Variants in SYT1 observed in about 807,000 individuals in gnomAD.
SYT1 encodes synaptotagmin 1.
In SYT1, 8 loss-of-function variants were observed where a neutral mutation model predicts 44.8. The ratio of observed to expected loss-of-function variants is 0.18; its 90% CI spans 0.10 to 0.32. SYT1 has a LOEUF of 0.32. Ranked by LOEUF, SYT1 falls within the 10% of genes least tolerant of loss-of-function variation. SYT1 has a pLI of 1.00. For missense variants in SYT1, 286 were observed against 509.3 expected (o/e 0.56, Z 4.22); for synonymous variants, 154 against 188.8 (o/e 0.82, Z 1.51).
chr12:79,299,706 G>A (rs73351034), intron 8 of SYT1, among the ~76,000 whole-genome samples, 155 bp downstream of exon 8: 1,601 of 151,768 alleles, frequency 0.011, 30 homozygotes, highest in African/African-American at 0.036. Context: ...GCACCACCTC[G>A]TTAAAAAGTG....
At position 79,123,308 on chromosome 12, in the gene SYT1, A is replaced by AGTGTGTGTGTGTGTGTGTGT. The variant is rs763524667; in HGVS notation, c.-18+75946_-18+75947insGTGTGTGTGTGTGTGTGTGT. 1.4e-3 allele frequency among the ~76,000 whole-genome samples: 135 copies of AGTGTGTGTGTGTGTGTGTGT among 96,532 alleles called. 1 individual carries two copies. The highest frequency in any genetic ancestry group is 4.7e-3 in the Middle Eastern group (1 of 214). The allele number at this position is 96,532 out of a possible 152,430, so 63.3% of individuals were successfully genotyped here. ...CTGTTACATGTATCTCTAAAAATGC[A>AGTGTGTGTGTGTGTGTGTGT]ATGTGTGTGTGTGTGTGTGTGTGTG... On this transcript the variant is annotated intron_variant, in intron 3 of 10. Coordinates refer to ENST00000261205, the MANE Select transcript of SYT1 (RefSeq NM_005639.3).
chr12:79,444,593 GA>G (rs1870602934), intron 10 of SYT1, among the ~76,000 whole-genome samples: 2 of 152,142 alleles, frequency 1.3e-5, no homozygotes, highest in African/African-American at 4.8e-5. Flanking sequence ...ATAGTGATAA[GA>G]GAAATATTTT....
chr12:79,210,088 A>C (rs1874350687), intron 3 of SYT1, among the ~76,000 whole-genome samples: 1 of 152,168 alleles, frequency 6.6e-6, no homozygotes, highest in Non-Finnish European at 1.5e-5. Context: ...TTACTATGTA[A>C]TCTGAGAAAT....
At chr12:79,409,241 G>A (rs1160249478) in intron 9 of SYT1, among the ~76,000 whole-genome samples, 2 of 151,996 alleles carry the variant, frequency 1.3e-5, no homozygotes, top group African/African-American at 2.4e-5. Context: ...TGGATCAAGT[G>A]CCATGTATTA....
At chr12:79,426,806 T>C (rs1043536892) in intron 9 of SYT1, among the ~76,000 whole-genome samples, 7 of 152,204 alleles carry the variant, frequency 4.6e-5, no homozygotes, top group African/African-American at 1.7e-4. Flanking sequence ...AAATCTCATC[T>C]TGAATTCCAG....
At chr12:78,937,833 A>T (rs1448633023) in intron 1 of SYT1, among the ~76,000 whole-genome samples, 1 of 152,180 alleles carries the variant, frequency 6.6e-6, no homozygotes, top group Non-Finnish European at 1.5e-5. Flanking sequence ...AGAAAAGCTA[A>T]CTGGATAATT....
rs553833760 is a variant in SYT1 at position 79,115,762 on chromosome 12, C to G, written c.-18+68400C>G. Among the ~76,000 whole-genome samples the G allele has an allele frequency of 2.6e-5, 4 of 152,230 alleles. No individual in the cohort carries two copies. The South Asian group carries it at 8.3e-4, about 32-fold the overall frequency. ...GGGAATCAGGGCAATGCCAGATATC[C>G]TTTGTAAAATTTTAACACAGTCAAC... On this transcript the variant is annotated intron_variant, in intron 3 of 10. Coordinates refer to ENST00000261205, the MANE Select transcript of SYT1 (RefSeq NM_005639.3).
At chr12:79,129,047 G>A (rs926025680) in intron 3 of SYT1, among the ~76,000 whole-genome samples, 2 of 152,166 alleles carry the variant, frequency 1.3e-5, no homozygotes, top group East Asian at 1.9e-4. Context: ...TGTTAGAGGA[G>A]CATGGCCTTG....
intron 8 of SYT1, among the ~76,000 whole-genome samples, chr12:79,349,057 G>T (rs536751143): frequency 7.4e-6 from 1 of 134,992 alleles, no homozygotes; most frequent in South Asian, 2.3e-4. Context: ...AAGAAAGAAA[G>T]GAGGGAGGGA....
intron 2 of SYT1, among the ~76,000 whole-genome samples, chr12:78,995,391 G>A (rs1177358900): frequency 6.6e-6 from 1 of 152,154 alleles, no homozygotes; most frequent in African/African-American, 2.4e-5. Context: ...CTCAATAGGG[G>A]TGAGAAACAA....
rs1017430786 is a variant in SYT1 at position 79,040,564 on chromosome 12, T to G, written c.-83-6733T>G. 2.6e-3 allele frequency among the ~76,000 whole-genome samples: 395 copies of G among 152,206 alleles called. 3 individuals carry two copies. The highest frequency in any genetic ancestry group is 0.01 in the Middle Eastern group (3 of 294). Reference sequence around the variant, plus strand: ...GCAGGTTGCAAAAATTTTCTCCCATTTTGTAGGTTGCCTGTTCACTCTGAT... The same window carrying G: ...GCAGGTTGCAAAAATTTTCTCCCATGTTGTAGGTTGCCTGTTCACTCTGAT... On this transcript the variant is annotated intron_variant, in intron 2 of 10. Coordinates refer to ENST00000261205, the MANE Select transcript of SYT1 (RefSeq NM_005639.3).
At chr12:79,117,704 T>A (rs1267465079) in intron 3 of SYT1, among the ~76,000 whole-genome samples, 11 of 101,746 alleles carry the variant, frequency 1.1e-4, no homozygotes, top group African/African-American at 3.9e-4. Context: ...TATATATATA[T>A]ATATATATAT....
intron 4 of SYT1, among the ~76,000 whole-genome samples, chr12:79,234,515 C>T (rs765910063): frequency 6.6e-6 from 1 of 152,126 alleles, no homozygotes. Flanking sequence ...GAACCATGCA[C>T]GTATTCTGTG....
chr12:79,299,156 C>G (rs1185873661), intron 7 of SYT1, among the ~76,000 whole-genome samples: 1 of 152,048 alleles, frequency 6.6e-6, no homozygotes, highest in African/African-American at 2.4e-5. Context: ...CTAACAGCTT[C>G]TAGAACTTTG....
chr12:78,908,152 G>C (rs1365033859), intron 1 of SYT1, among the ~76,000 whole-genome samples: 1 of 151,820 alleles, frequency 6.6e-6, no homozygotes, highest in African/African-American at 2.4e-5. Flanking sequence ...AAAATAATCT[G>C]TCAAGGATTC....
intron 1 of SYT1, among the ~76,000 whole-genome samples, chr12:78,938,789 T>C (rs12307022): frequency 0.013 from 1,963 of 152,292 alleles, 40 homozygotes; most frequent in African/African-American, 0.045. Flanking sequence ...ACAGTAACAC[T>C]AAAGGAACAG....
chr12:79,176,147 A>T (rs1298890968), intron 3 of SYT1, among the ~76,000 whole-genome samples: 1 of 151,832 alleles, frequency 6.6e-6, no homozygotes, highest in Non-Finnish European at 1.5e-5. Context: ...AAAATTAGCC[A>T]GGTATGGTGG....
chr12:79,023,693 C>T (rs1368585535), intron 2 of SYT1, among the ~76,000 whole-genome samples: 1 of 151,714 alleles, frequency 6.6e-6, no homozygotes, highest in African/African-American at 2.4e-5. Context: ...TGCCTACAGA[C>T]GTTACAAGAC....
At chr12:79,267,007 C>T (rs1031010733) in intron 4 of SYT1, among the ~76,000 whole-genome samples, 1 of 152,134 alleles carries the variant, frequency 6.6e-6, no homozygotes, top group Non-Finnish European at 1.5e-5. Flanking sequence ...AGCAGCCATG[C>T]AATTCTGCTG....
Sources: allele counts gnomAD v4.1 joint callset (sites outside exome capture counted in the v4.1 genomes callset), GRCh38; gene constraint gnomAD v4.1.1; transcripts MANE v1.5; gene names NCBI Gene and HGNC (gene_info 2026-07-23, HGNC 2026-07-21).